The following TPM4 variants were observed in gnomAD, a reference collection of about 807,000 sequenced individuals.
TPM4 encodes the protein tropomyosin 4, also known as tropomyosin alpha-4 chain.
TPM4 carries 17 observed loss-of-function variants against 35.8 expected under a neutral mutation model. The observed-to-expected ratio is 0.47, with a 90% CI of 0.32 to 0.71. TPM4 has a LOEUF of 0.71. Ranked by LOEUF, TPM4 falls within the 30% of genes least tolerant of loss-of-function variation. The pLI, the probability that TPM4 is intolerant of heterozygous loss-of-function variation, is 0.03. For missense variants in TPM4, 240 were observed against 320.9 expected, an observed-to-expected ratio of 0.75 and a Z score of 1.93; for synonymous variants, 120 against 122.9, an observed-to-expected ratio of 0.98 and a Z score of 0.15.
chr19:16,077,368 CCT>C (rs1252124725), intron 1 of TPM4: 3 of 152,178 alleles, frequency 2.0e-5, no homozygotes, highest in African/African-American at 7.2e-5. Flanking sequence ...CGGGACCCTG[CCT>C]CTCTCCAGAA....
At chr19:16,073,122 T>TC (rs1390868973), upstream of TPM4, among the ~76,000 whole-genome samples, 1 of 151,722 alleles carries the variant, frequency 6.6e-6, no homozygotes, top group Non-Finnish European at 1.5e-5. Context: ...AGTGGGAGGA[T>TC]CCCTTGAGCC....
chr19:16,068,779 GTGTT>G (rs2144903698), intron 2 of TPM4, among the ~76,000 whole-genome samples: 1 of 152,196 alleles, frequency 6.6e-6, no homozygotes, highest in South Asian at 2.1e-4. Flanking sequence ...GTATCTGTGT[GTGTT>G]TGAGCCTTTC....
chr19:16,096,936 CTTTTTT>C (rs71178641), intron 7 of TPM4, among the ~76,000 whole-genome samples: 57 of 69,032 alleles, frequency 8.3e-4, no homozygotes, highest in South Asian at 5.0e-3. Context: ...CAAGGTCACT[CTTTTTT>C]TTTTTTTTTT....
intron 5 of TPM4, among the ~76,000 whole-genome samples, chr19:16,090,955 T>G (rs912049093): frequency 2.0e-5 from 3 of 151,638 alleles, no homozygotes; most frequent in African/African-American, 4.8e-5. Context: ...ATATATCTGA[T>G]ACTAGGATGT....
upstream of TPM4, chr19:16,076,274 G>C: frequency 6.6e-7 from 1 of 1,525,668 alleles, no homozygotes; most frequent in Non-Finnish European, 8.8e-7. Context: ...AGGAGGAGGA[G>C]AAGGCGGCGC....
upstream of TPM4, among the ~76,000 whole-genome samples, chr19:16,072,247 C>G (rs942302212): frequency 6.6e-6 from 1 of 152,218 alleles, no homozygotes; most frequent in African/African-American, 2.4e-5. Context: ...AGAACTGACC[C>G]TCAAGAAACT....
At chr19:16,076,420 C>G (rs1411290321), upstream of TPM4, 1 of 1,353,830 alleles carries the variant, frequency 7.4e-7, no homozygotes. Flanking sequence ...GCCCCGACGG[C>G]AGCCGGCCCG....
At chr19:16,075,065 C>T (rs1473851514), upstream of TPM4, 3 of 152,082 alleles carry the variant, frequency 2.0e-5, no homozygotes, top group African/African-American at 7.3e-5. Flanking sequence ...GCACTCCAGC[C>T]TTGGTGACAG....
In TPM4 at chr19:16,070,614, C is replaced by T. The variant is rs1235885929; in HGVS notation, c.114+2876C>T. On this transcript the variant is annotated intron_variant, in intron 2 of 2. Coordinates refer to the TPM4 transcript ENST00000589897. This position sits in a 1 kb window ranked among gnomAD's most constrained non-coding sequence, Gnocchi z 7.4. ...GTGAGATACGGAAGTGACAGTAGGG[C>T]CTCCCTTGCCACCCCATGACAGGAT... Among the ~76,000 whole-genome samples, 1 of 152,320 alleles carries T rather than the reference C, an allele frequency of 6.6e-6. No individual in the cohort carries two copies. Among genetic ancestry groups the T allele is most frequent in the Middle Eastern group, 3.4e-3 (1 of 294 alleles).
At chr19:16,088,827 C>G in intron 4 of TPM4, 1 of 1,334,228 alleles carries the variant, frequency 7.5e-7, no homozygotes, top group South Asian at 1.6e-5. Flanking sequence ...AAATACTCTT[C>G]GGGCGCACCT....
rs2099972849 is a variant in TPM4 at position 16,102,468 on chromosome 19, A to G, written c.*1122A>G. 1 of 226,174 alleles carries G rather than the reference A, an allele frequency of 4.4e-6. No individual in the cohort carries two copies. The highest frequency in any genetic ancestry group is 2.2e-5 in the African/African-American group (1 of 44,932). 14.0% of individuals were successfully genotyped at this position (226,174 alleles called of 1,614,324 possible). On this transcript the variant is annotated 3_prime_UTR_variant, in exon 8 of 8. Coordinates refer to ENST00000643579, the MANE Select transcript of TPM4 (RefSeq NM_003290.3). ...CATATCCAAAAGACCACAAGTCATT[A>G]CTAAGTTGAGCAAAAGAGTTTTTAT...
intron 2 of TPM4, among the ~76,000 whole-genome samples, chr19:16,083,877 G>A (rs1027679616): frequency 4.0e-5 from 6 of 151,732 alleles, no homozygotes; most frequent in Admixed American, 2.0e-4. Context: ...TCCCGCCACG[G>A]CCTCCAGAGT....
In TPM4 at chr19:16,101,660, T is replaced by C; in HGVS notation, c.*314T>C. 1 of 307,766 alleles carries C rather than the reference T, an allele frequency of 3.2e-6. No individual in the cohort carries two copies. The highest frequency in any genetic ancestry group is 6.1e-6 in the Non-Finnish European group (1 of 162,948). The allele number at this position is 307,766 out of a possible 1,614,324, so 19.1% of individuals were successfully genotyped here. A position where few individuals can be genotyped will look rare whatever the true frequency, so the allele number is the denominator to read the frequency against. ...CTTAAGACGGAGGCCATTTGGTTCC[T>C]GGGAGAATAGGCAGCCCCACACTTT... is the stretch of plus-strand genomic sequence containing the variant. On this transcript the variant is annotated 3_prime_UTR_variant, in exon 8 of 8. Coordinates refer to ENST00000643579, the MANE Select transcript of TPM4 (RefSeq NM_003290.3).
At chr19:16,093,808 A>C in intron 7 of TPM4, 55 bp downstream of exon 7, 1 of 1,593,762 alleles carries the variant, frequency 6.3e-7, no homozygotes, top group East Asian at 2.2e-5. Flanking sequence ...TCTGGGACAC[A>C]TCCACGGACA....
upstream of TPM4, among the ~76,000 whole-genome samples, chr19:16,073,238 C>CA (rs59813681): frequency 0.018 from 2,777 of 152,238 alleles, 99 homozygotes; most frequent in African/African-American, 0.064. Context: ...CTGATGAGTC[C>CA]ATGCTGTCAG....
chr19:16,101,027 G>A (rs781332332), intron 7 of TPM4: 201 of 329,996 alleles, frequency 6.1e-4, no homozygotes, highest in African/African-American at 3.7e-3. Flanking sequence ...AAAATTAGCC[G>A]GGTGGTGGTG....
chr19:16,079,636 G>A lies in TPM4; in HGVS notation c.133-2277G>A, dbSNP rs1001419291. The A allele has an allele frequency of 9.6e-5, 21 of 218,448 alleles. No homozygotes were observed. In the East Asian group the frequency reaches 1.1e-3, roughly 12 times the overall value. 13.5% of individuals were successfully genotyped at this position (218,448 alleles called of 1,614,324 possible). A position where few individuals can be genotyped will look rare whatever the true frequency, so the allele number is the denominator to read the frequency against. On this transcript the variant is annotated intron_variant, in intron 1 of 7. Coordinates refer to ENST00000643579, the MANE Select transcript of TPM4 (RefSeq NM_003290.3). ...TCTATTTGTGTAGTTTTTCGGCCAC[G>A]TTAGCCTCATTCTATTTTTTTTTCC...
At position 16,070,126 on chromosome 19, in the gene TPM4, TA is replaced by T. The variant is rs2090342570; in HGVS notation, c.114+2392del. On this transcript the variant is annotated intron_variant, in intron 2 of 2. Transcript: ENST00000589897. The surrounding 1 kb of genome is among the most constrained non-coding windows in gnomAD (Gnocchi z 7.4). ...ATTGTGTATGTGGGGGTGTCCCTGC[TA>T]AAAGCCTGGAGGCCGGGGCAGGTGG... 6.6e-6 allele frequency among the ~76,000 whole-genome samples: 1 copy of T among 152,050 alleles called. No homozygotes were observed. Among genetic ancestry groups the T allele is most frequent in the African/African-American group, 2.4e-5 (1 of 41,364 alleles).
chr19:16,092,609 C>T (rs1019497514), intron 5 of TPM4, among the ~76,000 whole-genome samples: 1 of 151,736 alleles, frequency 6.6e-6, no homozygotes, highest in Non-Finnish European at 1.5e-5. Context: ...CATCTGGCCT[C>T]ACTACAGCCT....
Sources: allele counts gnomAD v4.1 joint callset (sites outside exome capture counted in the v4.1 genomes callset), GRCh38; gene constraint gnomAD v4.1.1; non-coding constraint Gnocchi (gnomAD v3.1); transcripts MANE v1.5; gene names NCBI Gene and HGNC (gene_info 2026-07-23, HGNC 2026-07-21).